The following ZFHX3 variants were observed in gnomAD, a reference collection of about 807,000 sequenced individuals.
ZFHX3 encodes zinc finger homeobox 3, also known as zinc finger homeobox protein 3.
A neutral mutation model predicts 279.1 loss-of-function variants in ZFHX3; 42 were observed. That is an observed-to-expected ratio of 0.15 (90% CI 0.12 to 0.19). The LOEUF (loss-of-function observed/expected upper bound fraction) is 0.19. Ranked by LOEUF, ZFHX3 falls within the 10% of genes least tolerant of loss-of-function variation. The pLI is 1.00. For missense variants in ZFHX3, 4,981 were observed against 4,754.0 expected (o/e 1.05, Z -1.40); for synonymous variants, 2,293 against 1,957.8 (o/e 1.17, Z -4.52).
At chr16:72,837,474 A>AT (rs761762599) in intron 4 of ZFHX3, among the ~76,000 whole-genome samples, 1,970 of 125,144 alleles carry the variant, frequency 0.016, 23 homozygotes, top group Admixed American at 0.029. Context: ...TCCAATGATG[A>AT]TTTTTTTTTT....
chr16:72,829,709 G>T, intron 5 of ZFHX3, 70 bp downstream of exon 5: 1 of 1,551,294 alleles, frequency 6.4e-7, no homozygotes, highest in Non-Finnish European at 8.9e-7. Context: ...ATTCTTCCAG[G>T]GAAGGAAAGA....
At chr16:73,682,132 A>T (rs2142195894) in intron 1 of ZFHX3, among the ~76,000 whole-genome samples, 2 of 152,362 alleles carry the variant, frequency 1.3e-5, no homozygotes, top group Non-Finnish European at 2.9e-5. Context: ...AAGTCAGGCA[A>T]TCTGGCTTTG....
At chr16:73,749,286 C>T (rs1167811478) in intron 1 of ZFHX3, among the ~76,000 whole-genome samples, 1 of 151,978 alleles carries the variant, frequency 6.6e-6, no homozygotes. Flanking sequence ...TGTGCTTATC[C>T]TGTTTATATC....
At position 72,797,000 on chromosome 16, in the gene ZFHX3, G is replaced by A. The variant is rs1251505465; in HGVS notation, c.5682C>T (p.Asp1894=). 6.2e-7 allele frequency: 1 copy of A among 1,613,850 alleles called. No individual in the cohort carries two copies. The highest frequency in any genetic ancestry group is 8.5e-7 in the Non-Finnish European group (1 of 1,179,998). The change falls in exon 9 of 10, where the codon GAC becomes GAT. Residue 1894 remains aspartate (D), a synonymous_variant. Coordinates refer to ENST00000268489, the MANE Select transcript of ZFHX3 (RefSeq NM_006885.4). Reference sequence around the variant, plus strand: ...TGTTGCCCTCTCCCCCCTCGGCGCTGTCCCTCTCTCTCTGGCTTTCTTTTT... The same window carrying A: ...TGTTGCCCTCTCCCCCCTCGGCGCTATCCCTCTCTCTCTGGCTTTCTTTTT... ...EKEKESQRER[D]SAEGGEGNTG... is the part of the protein sequence containing the mutation.
chr16:72,818,332 C>A (rs996621685), intron 5 of ZFHX3, among the ~76,000 whole-genome samples: 2 of 152,198 alleles, frequency 1.3e-5, no homozygotes, highest in Admixed American at 6.5e-5. Context: ...ATCTGACTTT[C>A]ATTGAAAGTA....
At chr16:73,195,780 G>T (rs1597214398) in intron 5 of ZFHX3, among the ~76,000 whole-genome samples, 7 of 152,230 alleles carry the variant, frequency 4.6e-5, no homozygotes, top group African/African-American at 1.4e-4. Flanking sequence ...ACAGGTAAAG[G>T]TTGGTGAAGG....
At chr16:73,665,212 CTT>C (rs11410802) in intron 2 of ZFHX3, among the ~76,000 whole-genome samples, 4 of 138,526 alleles carry the variant, frequency 2.9e-5, no homozygotes, top group Non-Finnish European at 4.6e-5. Flanking sequence ...CATCATTGCA[CTT>C]TTTTTTTTTT....
At chr16:73,625,894 G>A (rs2052410648) in intron 2 of ZFHX3, among the ~76,000 whole-genome samples, 1 of 152,146 alleles carries the variant, frequency 6.6e-6, no homozygotes, top group South Asian at 2.1e-4. Flanking sequence ...GTCTCACTGT[G>A]TTGCCCAGGC....
intron 1 of ZFHX3, among the ~76,000 whole-genome samples, chr16:73,003,559 A>G (rs1384697430): frequency 7.5e-6 from 1 of 132,604 alleles, no homozygotes; most frequent in African/African-American, 2.9e-5. Context: ...AAAAAAAATT[A>G]GCTGGGAGTG....
intron 2 of ZFHX3, among the ~76,000 whole-genome samples, chr16:73,500,655 T>C (rs1319399426): frequency 3.5e-5 from 2 of 57,890 alleles, no homozygotes; most frequent in Non-Finnish European, 6.5e-5. Context: ...TTAAAAAGTT[T>C]AAAGAGTTAA....
intron 2 of ZFHX3, among the ~76,000 whole-genome samples, chr16:73,497,526 T>A (rs2019162101): frequency 6.6e-6 from 1 of 151,950 alleles, no homozygotes; most frequent in South Asian, 2.1e-4. Context: ...AAAAATTAGA[T>A]GGGTGTGGAA....
In ZFHX3 at chr16:73,853,354, T is replaced by C. The variant is rs1961637311; in HGVS notation, c.-1608+38297A>G. On this transcript the variant is annotated intron_variant, in intron 1 of 17. Coordinates refer to the ZFHX3 transcript ENST00000641206. The stretch of plus-strand genomic sequence containing the variant: ...CTGCTCAAAGAAAAAGAAATCATTA[T>C]ATTAAAAAGACACCTCTATGTCACT... 2.6e-5 allele frequency among the ~76,000 whole-genome samples: 4 copies of C among 152,268 alleles called. No homozygotes were observed. In the South Asian group the frequency reaches 8.3e-4, roughly 32 times the overall value.
intron 2 of ZFHX3, among the ~76,000 whole-genome samples, chr16:73,629,329 G>A (rs754318410): frequency 2.0e-5 from 3 of 152,044 alleles, no homozygotes; most frequent in Non-Finnish European, 4.4e-5. Context: ...AAGCAGAGGA[G>A]TCTGACTCCA....
chr16:73,028,271 T>G (rs1964581594), intron 1 of ZFHX3, among the ~76,000 whole-genome samples: 1 of 152,112 alleles, frequency 6.6e-6, no homozygotes, highest in Non-Finnish European at 1.5e-5. Flanking sequence ...GAGCTTCCTG[T>G]TTTTCCCCTT....
At chr16:73,371,335 A>G (rs2016625518) in intron 3 of ZFHX3, among the ~76,000 whole-genome samples, 1 of 151,974 alleles carries the variant, frequency 6.6e-6, no homozygotes, top group Non-Finnish European at 1.5e-5. Flanking sequence ...ATTGAATTGT[A>G]GAATGTTGCA....
chr16:73,173,239 T>A (rs1021812747), intron 5 of ZFHX3, among the ~76,000 whole-genome samples: 2 of 152,066 alleles, frequency 1.3e-5, no homozygotes, highest in African/African-American at 4.8e-5. Context: ...TAAATATAAT[T>A]AGATGCGCCT....
intron 1 of ZFHX3, among the ~76,000 whole-genome samples, chr16:73,754,015 G>C (rs1420411858): frequency 1.6e-4 from 5 of 32,202 alleles, no homozygotes; most frequent in Non-Finnish European, 2.7e-4. Flanking sequence ...TGTAAAATCT[G>C]ATTCAATTTT....
intron 1 of ZFHX3, among the ~76,000 whole-genome samples, chr16:72,964,020 T>A (rs1961709874): frequency 6.6e-6 from 1 of 152,042 alleles, no homozygotes; most frequent in African/African-American, 2.4e-5. Flanking sequence ...TCCAAGAATA[T>A]CCCATGCGGG....
chr16:73,714,330 G>T (rs1298112323), intron 1 of ZFHX3, among the ~76,000 whole-genome samples: 1 of 152,102 alleles, frequency 6.6e-6, no homozygotes, highest in African/African-American at 2.4e-5. Flanking sequence ...TCCAGCAGGG[G>T]GCAGATGTCA....
Sources: allele counts gnomAD v4.1 joint callset (sites outside exome capture counted in the v4.1 genomes callset), GRCh38; gene constraint gnomAD v4.1.1; transcripts MANE v1.5; gene names NCBI Gene and HGNC (gene_info 2026-07-23, HGNC 2026-07-21).